BRWD3: variants seen among roughly 807,000 people sequenced by gnomAD.
The protein encoded by BRWD3 is bromodomain and WD repeat domain containing 3.
A neutral mutation model predicts 149.7 loss-of-function variants in BRWD3; 10 were observed. The ratio of observed to expected loss-of-function variants is 0.07; its 90% CI spans 0.04 to 0.11. The LOEUF (loss-of-function observed/expected upper bound fraction) is 0.11. BRWD3 is among the 10% of genes least tolerant of loss of function. The probability of loss-of-function intolerance (pLI) is 1.00; values close to 1 mark genes in which losing one functional copy is unlikely to be tolerated. For missense variants in BRWD3, 940 were observed against 1,373.2 expected (o/e 0.68, Z 4.99); for synonymous variants, 504 against 456.7 (o/e 1.10, Z -1.32).
chrX:80,734,572 G>C (rs1237291949), intron 10 of BRWD3, among the ~76,000 whole-genome samples: 1 of 111,313 alleles, frequency 9.0e-6, no homozygotes, highest in East Asian at 2.8e-4. Flanking sequence ...AGTGTAAAAA[G>C]TCAACTGCTT....
At chrX:80,740,112 A>G (rs1216913817) in intron 8 of BRWD3, among the ~76,000 whole-genome samples, 2 of 111,886 alleles carry the variant, frequency 1.8e-5, no homozygotes, top group African/African-American at 3.3e-5. Context: ...ATTTTTTTCA[A>G]ATTCAACACA....
intron 6 of BRWD3, among the ~76,000 whole-genome samples, chrX:80,766,907 C>T (rs1425533816): frequency 8.9e-6 from 1 of 111,981 alleles, no homozygotes; most frequent in Non-Finnish European, 1.9e-5. Flanking sequence ...CATTCGCACC[C>T]AAATACTGTG....
chrX:80,790,908 A>C (rs2074174919), intron 6 of BRWD3, among the ~76,000 whole-genome samples: 1 of 112,123 alleles, frequency 8.9e-6, no homozygotes. Flanking sequence ...TTGGAAAAAA[A>C]AAAGTTAGCA....
intron 6 of BRWD3, among the ~76,000 whole-genome samples, chrX:80,753,358 C>T (rs2073695812): frequency 9.4e-6 from 1 of 106,670 alleles, no homozygotes; most frequent in African/African-American, 3.5e-5. Flanking sequence ...CAACCTCTAC[C>T]TCCCAGGTTC....
chrX:80,732,906 A>G (rs1405656732), intron 12 of BRWD3, among the ~76,000 whole-genome samples: 2 of 111,589 alleles, frequency 1.8e-5, no homozygotes, highest in Non-Finnish European at 3.8e-5. Flanking sequence ...TTGGGAGGCC[A>G]AGGCGGGCAG....
rs769980542 is a variant in BRWD3 at position 80,688,040 on chromosome X, T to C, written c.3864+29A>G. On this transcript the variant is annotated intron_variant, in intron 34 of 40. Coordinates refer to ENST00000373275, the MANE Select transcript of BRWD3 (RefSeq NM_153252.5). ...CTGACACAGGAAACCTGAAAACATATCTCCTCAGCAGTTCACTTATTTACT... is the reference window on the plus strand; with the variant it reads ...CTGACACAGGAAACCTGAAAACATACCTCCTCAGCAGTTCACTTATTTACT... 7.9e-6 allele frequency: 9 copies of C among 1,133,624 alleles called. No homozygotes were observed. The South Asian group carries it at 1.6e-4, about 21-fold the overall frequency. 93.4% of individuals were successfully genotyped at this position (1,133,624 alleles called of 1,213,427 possible). A position where few individuals can be genotyped will look rare whatever the true frequency, so the allele number is the denominator to read the frequency against.
intron 20 of BRWD3, among the ~76,000 whole-genome samples, chrX:80,711,417 C>T (rs745554627): frequency 8.9e-6 from 1 of 111,782 alleles, no homozygotes; most frequent in African/African-American, 3.3e-5. Flanking sequence ...CATCATACAA[C>T]AGAGAAAGAA....
intron 4 of BRWD3, among the ~76,000 whole-genome samples, chrX:80,795,804 G>A (rs1389777163): frequency 2.7e-5 from 3 of 110,315 alleles, no homozygotes; most frequent in East Asian, 2.9e-4. Flanking sequence ...ATGGTGGCAC[G>A]CCTGTAGTCC....
intron 20 of BRWD3, among the ~76,000 whole-genome samples, chrX:80,712,235 C>T (rs1207984873): frequency 2.7e-5 from 3 of 111,527 alleles, no homozygotes; most frequent in African/African-American, 9.8e-5. Context: ...TCTCGGCTCA[C>T]TGCAACCTCC....
At chrX:80,805,865 G>A (rs2074344006) in intron 4 of BRWD3, among the ~76,000 whole-genome samples, 1 of 111,075 alleles carries the variant, frequency 9.0e-6, no homozygotes, top group Admixed American at 9.6e-5. Context: ...AACCTGGGAG[G>A]CGGAGGTTGC....
intron 6 of BRWD3, among the ~76,000 whole-genome samples, chrX:80,769,535 T>G (rs1437228912): frequency 1.8e-5 from 2 of 111,324 alleles, no homozygotes; most frequent in Non-Finnish European, 3.8e-5. Context: ...AGATGATCTT[T>G]GAAACCAATG....
intron 6 of BRWD3, among the ~76,000 whole-genome samples, chrX:80,787,593 T>C (rs1268401074): frequency 9.3e-6 from 1 of 107,050 alleles, no homozygotes; most frequent in African/African-American, 3.4e-5. Context: ...AAAAAATGAA[T>C]TCAATCTAAA....
chrX:80,670,157 G>T lies in BRWD3; in HGVS notation c.*6452C>A, dbSNP rs901737850. 1.8e-5 allele frequency among the ~76,000 whole-genome samples: 2 copies of T among 110,804 alleles called. No individual in the cohort carries two copies. The highest frequency in any genetic ancestry group is 3.8e-5 in the Non-Finnish European group (2 of 52,940). ...AAAATGTTTCCCTAGAACTTTGGGG[G>T]AAAAATCGATACCGTAAAAAGTTTA... is the stretch of plus-strand genomic sequence containing the variant. On this transcript the variant is annotated 3_prime_UTR_variant, in exon 41 of 41. Transcript: ENST00000373275.
chrX:80,746,353 G>A (rs991946104), intron 6 of BRWD3, among the ~76,000 whole-genome samples: 1 of 110,195 alleles, frequency 9.1e-6, no homozygotes, highest in African/African-American at 3.3e-5. Flanking sequence ...AACTTTAAAG[G>A]CTTCATCTCC....
chrX:80,731,894 C>CAA lies in BRWD3; in HGVS notation c.1127+1560_1127+1561dup, dbSNP rs760738184. Among the ~76,000 whole-genome samples, 143 of 22,669 alleles carry CAA rather than the reference C, an allele frequency of 6.3e-3. 1 individual carries two copies. Among genetic ancestry groups the CAA allele is most frequent in the Non-Finnish European group, 7.4e-3 (92 of 12,386 alleles). 19.7% of individuals were successfully genotyped at this position (22,669 alleles called of 115,157 possible). A position where few individuals can be genotyped will look rare whatever the true frequency, so the allele number is the denominator to read the frequency against. On this transcript the variant is annotated intron_variant, in intron 12 of 40. Transcript: ENST00000373275. The stretch of plus-strand genomic sequence containing the variant: ...TGGGTGACAGAGCGAGACTCTGTCT[C>CAA]AAAAAAAAAAAAAAAAAAAAAAAAA...
At chrX:80,761,000 T>C (rs773300485) in intron 6 of BRWD3, among the ~76,000 whole-genome samples, 1 of 111,105 alleles carries the variant, frequency 9.0e-6, no homozygotes, top group Non-Finnish European at 1.9e-5. Context: ...TGAACTATGA[T>C]CTTGTCAGTG....
chrX:80,734,562 A>C (rs1478252844), intron 10 of BRWD3, among the ~76,000 whole-genome samples: 1 of 111,516 alleles, frequency 9.0e-6, no homozygotes, highest in African/African-American at 3.3e-5. Flanking sequence ...ATAGTGGTTG[A>C]GTGTAAAAAG....
chrX:80,783,676 A>G (rs1201176770), intron 6 of BRWD3, among the ~76,000 whole-genome samples: 1 of 111,594 alleles, frequency 9.0e-6, no homozygotes, highest in African/African-American at 3.3e-5. Flanking sequence ...TAACCTAAGT[A>G]TCCAACACCA....
intron 27 of BRWD3, among the ~76,000 whole-genome samples, chrX:80,694,953 G>A (rs1428598217): frequency 9.0e-6 from 1 of 110,971 alleles, no homozygotes; most frequent in East Asian, 2.8e-4. Context: ...GGTGCCAGGG[G>A]CTGAATGATA....
Sources: gnomAD v4.1 joint callset for allele counts (sites outside exome capture counted in the v4.1 genomes callset) on GRCh38, gnomAD v4.1.1 for gene constraint, MANE v1.5 for transcripts, NCBI Gene and HGNC (gene_info 2026-07-23, HGNC 2026-07-21) for gene names.